Variants in ADH5 observed in about 807,000 individuals in gnomAD.
ADH5 encodes the protein alcohol dehydrogenase class-3.
In ADH5, 32 loss-of-function variants were observed where a neutral mutation model predicts 40.3. The observed-to-expected ratio is 0.79, with a 90% CI of 0.60 to 1.07. ADH5 has a LOEUF of 1.07. Among genes scored for constraint, ADH5 ranks in the 50% least tolerant of loss-of-function variants. The probability of loss-of-function intolerance (pLI) is 0.00; values close to 1 mark genes in which losing one functional copy is unlikely to be tolerated. For synonymous variants in ADH5, 125 were observed against 154.3 expected (o/e 0.81, Z 1.41); for missense variants, 353 against 460.5 (o/e 0.77, Z 2.14).
chr4:99,088,717 C>A lies in ADH5; in HGVS notation c.-17G>T. 2 of 1,505,814 alleles carry A rather than the reference C, an allele frequency of 1.3e-6. No individual in the cohort carries two copies. The highest frequency in any genetic ancestry group is 1.8e-6 in the Non-Finnish European group (2 of 1,114,582). 93.3% of individuals were successfully genotyped at this position (1,505,814 alleles called of 1,614,324 possible). On this transcript the variant is annotated 5_prime_UTR_variant, in exon 1 of 9. Coordinates refer to ENST00000296412, the MANE Select transcript of ADH5 (RefSeq NM_000671.4). ...GTTCGCCATGTTCACGGATTCTGGT[C>A]GGCGCGGGGGGCTGACATCCGGGGT...
chr4:99,084,089 T>C (rs962775809), intron 2 of ADH5, among the ~76,000 whole-genome samples: 1 of 152,206 alleles, frequency 6.6e-6, no homozygotes, highest in African/African-American at 2.4e-5. Flanking sequence ...TCTCAAATCT[T>C]GTTTAAGTCG....
chr4:99,081,297 C>T (rs1434896128), intron 4 of ADH5, 68 bp downstream of exon 4: 14 of 1,033,854 alleles, frequency 1.4e-5, no homozygotes, highest in East Asian at 2.6e-5. Flanking sequence ...CTCAACCCCT[C>T]GGTCTCTGTG....
At chr4:99,074,797 T>G (rs1469526198) in intron 7 of ADH5, 117 bp downstream of exon 7, 8 of 1,191,510 alleles carry the variant, frequency 6.7e-6, no homozygotes, top group Non-Finnish European at 9.3e-6. Flanking sequence ...CAACTTATAA[T>G]GAGAAGGAAC....
chr4:99,083,585 G>C (rs1728070052), intron 2 of ADH5, among the ~76,000 whole-genome samples: 2 of 118,540 alleles, frequency 1.7e-5, no homozygotes, highest in African/African-American at 6.0e-5. Context: ...GGGCGACAGA[G>C]TGAAACTCTG....
intron 3 of ADH5, 195 bp downstream of exon 3, chr4:99,081,780 A>G (rs1267863534): frequency 5.7e-6 from 4 of 707,022 alleles, no homozygotes; most frequent in Non-Finnish European, 8.8e-6. Context: ...AAGTTTCACA[A>G]AAACAGTAGT....
intron 4 of ADH5, 147 bp from the exon 5 acceptor site, chr4:99,077,070 C>T (rs1403040520): frequency 3.1e-6 from 2 of 642,998 alleles, no homozygotes; most frequent in African/African-American, 3.7e-5. Context: ...TAATTTAGCA[C>T]CTTGCAGCAA....
At position 99,071,688 on chromosome 4, in the gene ADH5, G is replaced by A; in HGVS notation, c.*729C>T. 1 of 152,190 alleles carries A rather than the reference G, an allele frequency of 6.6e-6. No homozygotes were observed. Among genetic ancestry groups the A allele is most frequent in the East Asian group, 1.9e-4 (1 of 5,196 alleles). The allele number at this position is 152,190 out of a possible 1,614,324, so 9.4% of individuals were successfully genotyped here. A position where few individuals can be genotyped will look rare whatever the true frequency, so the allele number is the denominator to read the frequency against. On this transcript the variant is annotated 3_prime_UTR_variant, in exon 9 of 9. Transcript: ENST00000296412. Reference sequence around the variant, plus strand: ...ATTGTTACCTCTGGAGGGGAGGAATGGCAATGTGATCTCGAAGTGGCAAAA... The same window carrying A: ...ATTGTTACCTCTGGAGGGGAGGAATAGCAATGTGATCTCGAAGTGGCAAAA...
At chr4:99,088,539 C>G (rs1728196581) in intron 1 of ADH5, 150 bp downstream of exon 1, 27 of 732,390 alleles carry the variant, frequency 3.7e-5, no homozygotes, top group Non-Finnish European at 5.2e-5. Context: ...TTCTGCCCCT[C>G]TGAGCCGCTC....
At chr4:99,078,271 T>A (rs1413780353) in intron 4 of ADH5, among the ~76,000 whole-genome samples, 1 of 152,178 alleles carries the variant, frequency 6.6e-6, no homozygotes, top group African/African-American at 2.4e-5. Context: ...ACTCTTAAAC[T>A]CTTTCGAACA....
At chr4:99,073,272 A>G (rs1349177930) in intron 7 of ADH5, among the ~76,000 whole-genome samples, 2 of 152,194 alleles carry the variant, frequency 1.3e-5, no homozygotes, top group Admixed American at 6.5e-5. Context: ...TCTGCCTCCC[A>G]GGTTCACGCC....
intron 2 of ADH5, among the ~76,000 whole-genome samples, chr4:99,083,249 GA>G (rs1728063028): frequency 6.6e-6 from 1 of 151,852 alleles, no homozygotes; most frequent in Non-Finnish European, 1.5e-5. Context: ...TGAATTTGAA[GA>G]AAAAAACACT....
At chr4:99,079,605 C>T (rs1269375871) in intron 4 of ADH5, among the ~76,000 whole-genome samples, 1 of 151,852 alleles carries the variant, frequency 6.6e-6, no homozygotes, top group Non-Finnish European at 1.5e-5. Context: ...AAGATCTATA[C>T]ACCTTAAGTG....
intron 6 of ADH5, chr4:99,075,805 G>A (rs1727913945): frequency 6.5e-6 from 1 of 154,530 alleles, no homozygotes; most frequent in Non-Finnish European, 1.4e-5. Flanking sequence ...TATTAGCTGA[G>A]CATTCCTAAT....
intron 4 of ADH5, chr4:99,080,463 G>A (rs990685427): frequency 1.3e-5 from 2 of 153,974 alleles, no homozygotes; most frequent in Admixed American, 6.6e-5. Context: ...GGCATAAGGT[G>A]GAGTCACTCC....
intron 1 of ADH5, among the ~76,000 whole-genome samples, chr4:99,087,261 AATC>A (rs1728161721): frequency 6.6e-6 from 1 of 152,042 alleles, no homozygotes; most frequent in Non-Finnish European, 1.5e-5. Flanking sequence ...GGGCGCCGGT[AATC>A]CCAGCTACTC....
intron 1 of ADH5, among the ~76,000 whole-genome samples, chr4:99,087,247 T>G (rs1359682256): frequency 6.6e-6 from 1 of 151,870 alleles, no homozygotes; most frequent in African/African-American, 2.4e-5. Flanking sequence ...CCGAGCATGG[T>G]GACGGGCGCC....
intron 4 of ADH5, chr4:99,080,116 A>T: frequency 2.9e-6 from 1 of 349,210 alleles, no homozygotes; most frequent in East Asian, 9.6e-5. Context: ...TCACAACAGA[A>T]ACACTGCTTC....
rs947374471 is a variant in ADH5, at chr4:99,082,103, G to A, written c.128C>T (p.Ala43Val). The A allele has an allele frequency of 2.5e-6, 4 of 1,613,588 alleles. No homozygotes were observed. The highest frequency in any genetic ancestry group is 1.3e-5 in the African/African-American group (1 of 74,902). Reference protein sequence around the residue: ...HEVRIKIIATAVCHTDAYTLS... With the variant: ...HEVRIKIIATVVCHTDAYTLS... ...GGTATAGGCATCGGTGTGGCAAACCGCAGTGGCAATGATCTATCAGGACAT... is the reference window on the plus strand; with the variant it reads ...GGTATAGGCATCGGTGTGGCAAACCACAGTGGCAATGATCTATCAGGACAT... The change falls in exon 3 of 9, where the codon GCG becomes GTG. Residue 43 changes from alanine (A) to valine (V), a missense_variant. Ala to Val is a moderately conservative substitution (Grantham distance 64). Coordinates refer to ENST00000296412, the MANE Select transcript of ADH5 (RefSeq NM_000671.4).
Position 99,075,221 on chromosome 4 carries a change from TG to T in ADH5, c.826-173del, listed in dbSNP as rs1451405650. 9.8e-3 allele frequency: 3,147 copies of T among 321,630 alleles called. 12 individuals are homozygous for T. The highest frequency in any genetic ancestry group is 0.019 in the East Asian group (313 of 16,486). The allele number at this position is 321,630 out of a possible 1,614,324, so 19.9% of individuals were successfully genotyped here. ...GAACAATTTATATTTTAATTTTTTT[TG>T]TTGTTTTTTTTTTTTTTGAGATAAG... On this transcript the variant is annotated intron_variant, in intron 6 of 8. Transcript: ENST00000296412.
Sources: allele counts gnomAD v4.1 joint callset (sites outside exome capture counted in the v4.1 genomes callset), GRCh38; gene constraint gnomAD v4.1.1; transcripts MANE v1.5; gene names NCBI Gene and HGNC (gene_info 2026-07-23, HGNC 2026-07-21).